Variants in DNAH11 observed in about 807,000 individuals in gnomAD.
DNAH11 encodes the protein dynein axonemal heavy chain 11.
Under a neutral mutation model 526.0 loss-of-function variants are expected in DNAH11, and 442 were observed. The observed-to-expected ratio is 0.84, with a 90% CI of 0.78 to 0.91. The LOEUF is 0.91. DNAH11 is among the 40% of genes least tolerant of loss of function. The probability of loss-of-function intolerance (pLI) is 0.00; values close to 1 mark genes in which losing one functional copy is unlikely to be tolerated. For synonymous variants in DNAH11, 2,461 were observed against 1,935.9 expected, an observed-to-expected ratio of 1.27 and a Z score of -7.12; for missense variants, 6,989 against 5,448.7, an observed-to-expected ratio of 1.28 and a Z score of -8.90.
rs756840478 is a variant in DNAH11, at chr7:21,707,845, C to A, written c.6683+10C>A. ...AATGGAAAGATGGCAAGTAGTATTT[C>A]CCCTTTAGAAGTGCTCAATTTTTTT... On this transcript the variant is annotated intron_variant, in intron 40 of 81. Transcript: ENST00000409508. The A allele has an allele frequency of 4.4e-6, 7 of 1,588,926 alleles. No individual in the cohort carries two copies. In the Admixed American group the frequency reaches 1.1e-4, roughly 25 times the overall value.
intron 35 of DNAH11, among the ~76,000 whole-genome samples, chr7:21,695,666 C>T (rs1334007676): frequency 6.6e-6 from 1 of 152,238 alleles, no homozygotes; most frequent in Non-Finnish European, 1.5e-5. Context: ...CAATACCACT[C>T]AGGACATAGG....
intron 28 of DNAH11, among the ~76,000 whole-genome samples, chr7:21,645,276 T>C (rs569314609): frequency 1.3e-5 from 2 of 152,224 alleles, no homozygotes; most frequent in Non-Finnish European, 2.9e-5. Context: ...ACTCAGTGGG[T>C]AGAGCTTCCA....
chr7:21,813,536 C>T (rs551553463), intron 63 of DNAH11, among the ~76,000 whole-genome samples: 2 of 152,296 alleles, frequency 1.3e-5, no homozygotes, highest in East Asian at 3.9e-4. Context: ...GCAGTATTAC[C>T]TCCACAGGAA....
chr7:21,571,587 T>G lies in DNAH11; in HGVS notation c.1426-219T>G, dbSNP rs183401720. 3.5e-3 allele frequency among the ~76,000 whole-genome samples: 528 copies of G among 152,236 alleles called. 11 individuals carry two copies. The highest frequency in any genetic ancestry group is 0.031 in the Admixed American group (476 of 15,292). The stretch of plus-strand genomic sequence containing the variant: ...GAGCCCTGTGCCTGGCCAGTGAGAG[T>G]TAATTTTTAATAAACATGAAAATGG... On this transcript the variant is annotated intron_variant, in intron 7 of 81. Coordinates refer to ENST00000409508, the MANE Select transcript of DNAH11 (RefSeq NM_001277115.2).
chr7:21,584,341 C>T (rs1266841296), intron 9 of DNAH11, among the ~76,000 whole-genome samples: 1 of 152,088 alleles, frequency 6.6e-6, no homozygotes, highest in South Asian at 2.1e-4. Flanking sequence ...GAAAACCAAA[C>T]ACTGCATGTT....
At chr7:21,676,196 T>C (rs1203482338) in intron 30 of DNAH11, among the ~76,000 whole-genome samples, 1 of 152,188 alleles carries the variant, frequency 6.6e-6, no homozygotes, top group Admixed American at 6.5e-5. Context: ...GTACTTGCAC[T>C]CTAATGAAGC....
At chr7:21,887,110 T>C (rs922905061) in intron 76 of DNAH11, among the ~76,000 whole-genome samples, 1 of 152,226 alleles carries the variant, frequency 6.6e-6, no homozygotes, top group Non-Finnish European at 1.5e-5. Context: ...GAAATTAGTG[T>C]CTTTGGTTGC....
intron 25 of DNAH11, among the ~76,000 whole-genome samples, chr7:21,627,070 G>A (rs183408255): frequency 2.0e-5 from 3 of 152,084 alleles, no homozygotes; most frequent in African/African-American, 7.2e-5. Flanking sequence ...TTTGAGAAAT[G>A]CCTATTCAAA....
rs905425458 is a variant in DNAH11, at chr7:21,701,588, C to T, written c.6181-1122C>T. ...GACAGGCATGAGCCACCACACTCAG[C>T]CACTTTTTGCTCTCATTTGCATCAC... On this transcript the variant is annotated intron_variant, in intron 36 of 81. Coordinates refer to ENST00000409508, the MANE Select transcript of DNAH11 (RefSeq NM_001277115.2). Among the ~76,000 whole-genome samples, 31 of 152,202 alleles carry T rather than the reference C, an allele frequency of 2.0e-4. 1 individual carries two copies. The highest frequency in any genetic ancestry group is 1.5e-3 in the Admixed American group (23 of 15,282).
chr7:21,765,947 C>G (rs1312519892), intron 55 of DNAH11, among the ~76,000 whole-genome samples: 1 of 152,102 alleles, frequency 6.6e-6, no homozygotes, highest in Non-Finnish European at 1.5e-5. Flanking sequence ...CCTTTAAGTC[C>G]AAACTAAAAG....
At chr7:21,859,872 C>A (rs1416440835) in intron 68 of DNAH11, among the ~76,000 whole-genome samples, 3 of 149,988 alleles carry the variant, frequency 2.0e-5, no homozygotes, top group Admixed American at 1.3e-4. Context: ...TACATGGGAA[C>A]AACAACAACA....
chr7:21,808,540 C>T (rs1015774199), intron 63 of DNAH11, among the ~76,000 whole-genome samples: 2 of 152,168 alleles, frequency 1.3e-5, no homozygotes, highest in African/African-American at 4.8e-5. Context: ...CCCCTCTCCT[C>T]CACTTCCCTC....
chr7:21,610,498 G>T (rs1785478090), intron 20 of DNAH11, among the ~76,000 whole-genome samples: 2 of 152,080 alleles, frequency 1.3e-5, no homozygotes, highest in South Asian at 4.1e-4. Flanking sequence ...AGTCAAATAT[G>T]AGTACACAAT....
chr7:21,727,211 G>A (rs911265069), intron 45 of DNAH11, among the ~76,000 whole-genome samples: 9 of 151,734 alleles, frequency 5.9e-5, no homozygotes, highest in Non-Finnish European at 1.2e-4. Context: ...GGGATTACAG[G>A]CGTGAGCCAC....
chr7:21,544,459 G>C (rs918485636), intron 1 of DNAH11, among the ~76,000 whole-genome samples: 1 of 152,128 alleles, frequency 6.6e-6, no homozygotes, highest in Non-Finnish European at 1.5e-5. Context: ...AAGTTTGTCA[G>C]TAGACAAGGC....
intron 54 of DNAH11, among the ~76,000 whole-genome samples, chr7:21,755,774 T>C (rs1470555622): frequency 2.0e-5 from 3 of 152,116 alleles, no homozygotes; most frequent in African/African-American, 7.2e-5. Flanking sequence ...AAGGCTCCCA[T>C]AGGAGGTAAA....
intron 3 of DNAH11, 45 bp downstream of exon 3, chr7:21,559,043 A>G: frequency 4.0e-6 from 6 of 1,508,670 alleles, no homozygotes; most frequent in Non-Finnish European, 3.6e-6. Flanking sequence ...GTAGAGAGCC[A>G]GGCCAGCACG....
At position 21,710,428 on chromosome 7, in the gene DNAH11, G is replaced by A. The variant is rs886528254; in HGVS notation, c.6684-125G>A. The A allele has an allele frequency of 8.0e-6, 6 of 750,612 alleles. No homozygotes were observed. In the Admixed American group the frequency reaches 1.6e-4, roughly 20 times the overall value. The allele number at this position is 750,612 out of a possible 1,614,324, so 46.5% of individuals were successfully genotyped here. ...GGAACCCATGTGTGGCTGAAAAGGTGTTACACACTGCCCGCAAGAAAGAGG... is the reference window on the plus strand; with the variant it reads ...GGAACCCATGTGTGGCTGAAAAGGTATTACACACTGCCCGCAAGAAAGAGG... On this transcript the variant is annotated intron_variant, in intron 40 of 81. Coordinates refer to ENST00000409508, the MANE Select transcript of DNAH11 (RefSeq NM_001277115.2).
chr7:21,710,523 T>G (rs759614252), intron 40 of DNAH11, 30 bp from the exon 41 acceptor site: 1 of 1,544,796 alleles, frequency 6.5e-7, no homozygotes, highest in South Asian at 1.2e-5. Flanking sequence ...ATCGTAGAAA[T>G]AAACAGCACT....
Sources: gnomAD v4.1 joint callset for allele counts (sites outside exome capture counted in the v4.1 genomes callset) on GRCh38, gnomAD v4.1.1 for gene constraint, MANE v1.5 for transcripts, NCBI Gene and HGNC (gene_info 2026-07-23, HGNC 2026-07-21) for gene names.